TCF7L1: variants seen among roughly 807,000 people sequenced by gnomAD.
The protein encoded by TCF7L1 is transcription factor 7-like 1.
A neutral mutation model predicts 63.7 loss-of-function variants in TCF7L1; 18 were observed. The observed-to-expected ratio is 0.28, with a 90% CI of 0.20 to 0.42. The LOEUF is 0.42. Ranked by LOEUF, TCF7L1 falls within the 10% of genes least tolerant of loss-of-function variation. The probability of loss-of-function intolerance (pLI) is 1.00; values close to 1 mark genes in which losing one functional copy is unlikely to be tolerated. For missense variants in TCF7L1, 654 were observed against 779.3 expected (o/e 0.84, Z 1.91); for synonymous variants, 355 against 340.9 (o/e 1.04, Z -0.46).
intron 3 of TCF7L1, among the ~76,000 whole-genome samples, chr2:85,140,737 CTGTATCCCAGCTACT>C (rs2104185939): frequency 2.0e-5 from 3 of 152,042 alleles, no homozygotes; most frequent in Non-Finnish European, 4.4e-5. Context: ...GAGGCGGCAC[CTGTATCCCAGCTACT>C]TGGGAGGCTG....
intron 3 of TCF7L1, chr2:85,186,531 T>C (rs756373442): frequency 6.6e-6 from 1 of 152,242 alleles, no homozygotes; most frequent in South Asian, 2.1e-4. Context: ...TTGGGAAATA[T>C]GGTCACCATT....
chr2:85,222,265 C>A (rs1464913523), intron 3 of TCF7L1, among the ~76,000 whole-genome samples: 1 of 150,686 alleles, frequency 6.6e-6, no homozygotes, highest in Non-Finnish European at 1.5e-5. Context: ...CGCTTGAAAC[C>A]AGAAGGTGGA....
chr2:85,298,426 G>GGTTGCA (rs1001505982), intron 4 of TCF7L1, among the ~76,000 whole-genome samples: 1 of 142,766 alleles, frequency 7.0e-6, no homozygotes, highest in Non-Finnish European at 1.5e-5. Context: ...GGGAGGCGGA[G>GGTTGCA]GTTGCAGTGA....
chr2:85,205,107 T>C (rs1186329244), intron 3 of TCF7L1: 1 of 152,232 alleles, frequency 6.6e-6, no homozygotes. Flanking sequence ...GGAGGATTAG[T>C]TAGAATTTTT....
intron 3 of TCF7L1, among the ~76,000 whole-genome samples, chr2:85,246,720 A>G (rs1238687765): frequency 6.6e-6 from 1 of 152,226 alleles, no homozygotes; most frequent in Non-Finnish European, 1.5e-5. Context: ...CCAAGTGCTC[A>G]GCAGAATTGC....
intron 3 of TCF7L1, among the ~76,000 whole-genome samples, chr2:85,144,719 C>CTCTCTGTGTGTGTGTGTGTGTG (rs1553393493): frequency 5.7e-5 from 8 of 140,544 alleles, no homozygotes; most frequent in South Asian, 2.3e-4. Context: ...CTCTCTCTCT[C>CTCTCTGTGTGTGTGTGTGTGTG]TGTGTGTGTG....
intron 3 of TCF7L1, among the ~76,000 whole-genome samples, chr2:85,178,267 G>A (rs530338488): frequency 6.6e-6 from 1 of 152,320 alleles, no homozygotes; most frequent in East Asian, 1.9e-4. Context: ...GTTTTCACCT[G>A]CCATTAGCTG....
At chr2:85,241,917 C>A (rs889289909) in intron 3 of TCF7L1, among the ~76,000 whole-genome samples, 2 of 151,364 alleles carry the variant, frequency 1.3e-5, no homozygotes, top group Non-Finnish European at 2.9e-5. Flanking sequence ...TCCTTAGGAC[C>A]TGGATAACTC....
chr2:85,211,264 C>T (rs890111707), intron 3 of TCF7L1, among the ~76,000 whole-genome samples: 1 of 152,190 alleles, frequency 6.6e-6, no homozygotes, highest in Non-Finnish European at 1.5e-5. Context: ...ACGATGGAGA[C>T]TATCAACAAT....
At chr2:85,287,275 A>C (rs1681585506) in intron 4 of TCF7L1, among the ~76,000 whole-genome samples, 2 of 152,240 alleles carry the variant, frequency 1.3e-5, no homozygotes, top group Non-Finnish European at 2.9e-5. Flanking sequence ...TACTGTATTA[A>C]TACACATAAT....
At chr2:85,262,268 C>T (rs984608721) in intron 3 of TCF7L1, 9 of 554,948 alleles carry the variant, frequency 1.6e-5, no homozygotes, top group African/African-American at 9.5e-5. Flanking sequence ...GGTTGATGGG[C>T]GCATCTTCAC....
intron 3 of TCF7L1, among the ~76,000 whole-genome samples, chr2:85,224,350 T>G (rs938847112): frequency 1.9e-4 from 29 of 152,220 alleles, no homozygotes; most frequent in African/African-American, 7.0e-4. Context: ...TCTAGATCCT[T>G]GAGGAATTGC....
At chr2:85,298,424 G>A in intron 4 of TCF7L1, among the ~76,000 whole-genome samples, 1 of 146,136 alleles carries the variant, frequency 6.8e-6, no homozygotes, top group Non-Finnish European at 1.5e-5. Context: ...CTGGGAGGCG[G>A]AGGTTGCAGT....
At chr2:85,191,934 G>A (rs1319180039) in intron 3 of TCF7L1, among the ~76,000 whole-genome samples, 2 of 152,184 alleles carry the variant, frequency 1.3e-5, no homozygotes. Flanking sequence ...CTTTTCATAG[G>A]GAGGGGACAA....
chr2:85,271,187 A>C (rs1419973244), intron 3 of TCF7L1, among the ~76,000 whole-genome samples: 1 of 152,086 alleles, frequency 6.6e-6, no homozygotes, highest in Non-Finnish European at 1.5e-5. Flanking sequence ...ATCTCAGCTC[A>C]CTGCAACTTC....
chr2:85,259,047 T>G (rs1680792882), intron 3 of TCF7L1, among the ~76,000 whole-genome samples: 2 of 152,158 alleles, frequency 1.3e-5, no homozygotes. Context: ...CTCTATGACA[T>G]TTACCATTTG....
chr2:85,168,224 A>ACACACACACAC (rs1558622099), intron 3 of TCF7L1, among the ~76,000 whole-genome samples: 48 of 96,400 alleles, frequency 5.0e-4, no homozygotes, highest in African/African-American at 1.6e-3. Flanking sequence ...CACACACACA[A>ACACACACACAC]AGGGACACAA....
At chr2:85,143,527 GC>G (rs1197879762) in intron 3 of TCF7L1, among the ~76,000 whole-genome samples, 1 of 152,172 alleles carries the variant, frequency 6.6e-6, no homozygotes, top group African/African-American at 2.4e-5. Flanking sequence ...CTTCTAACCT[GC>G]TAAGAAGTAG....
intron 7 of TCF7L1, among the ~76,000 whole-genome samples, chr2:85,304,783 G>A (rs1682067869): frequency 6.6e-6 from 1 of 152,184 alleles, no homozygotes; most frequent in Admixed American, 6.5e-5. Flanking sequence ...CCATCGTAAA[G>A]TCAAAATATC....
Sources: allele counts gnomAD v4.1 joint callset (sites outside exome capture counted in the v4.1 genomes callset), GRCh38; gene constraint gnomAD v4.1.1; transcripts MANE v1.5; gene names NCBI Gene and HGNC (gene_info 2026-07-23, HGNC 2026-07-21).